RANBP10: variants seen among roughly 807,000 people sequenced by gnomAD.
RANBP10 encodes the protein RAN binding protein 10.
A neutral mutation model predicts 72.8 loss-of-function variants in RANBP10; 24 were observed. That is an observed-to-expected ratio of 0.33 (90% CI 0.24 to 0.46). The LOEUF is 0.46. Among genes scored for constraint, RANBP10 ranks in the 20% least tolerant of loss-of-function variants. RANBP10 has a pLI of 1.00. For missense variants in RANBP10, 679 were observed against 817.5 expected, an observed-to-expected ratio of 0.83 and a Z score of 2.07; for synonymous variants, 310 against 322.3, an observed-to-expected ratio of 0.96 and a Z score of 0.41.
chr16:67,728,553 G>C, intron 10 of RANBP10, 42 bp from the exon 11 acceptor site: 1 of 1,613,334 alleles, frequency 6.2e-7, no homozygotes, highest in Non-Finnish European at 8.5e-7. Context: ...CAGGGGGTGT[G>C]GTTGGAGCAG....
chr16:67,799,550 G>A (rs984202406), intron 2 of RANBP10, among the ~76,000 whole-genome samples: 4 of 152,098 alleles, frequency 2.6e-5, no homozygotes, highest in Admixed American at 2.0e-4. Flanking sequence ...GCCTCCCAAA[G>A]TGCCGGGAAT....
At chr16:67,754,179 G>C (rs1234088367) in intron 3 of RANBP10, among the ~76,000 whole-genome samples, 1 of 151,762 alleles carries the variant, frequency 6.6e-6, no homozygotes, top group East Asian at 1.9e-4. Flanking sequence ...GGAAGGAACA[G>C]GCCCTTCGGA....
At chr16:67,779,238 T>C (rs756037626) in intron 2 of RANBP10, among the ~76,000 whole-genome samples, 9 of 151,594 alleles carry the variant, frequency 5.9e-5, no homozygotes, top group Non-Finnish European at 1.3e-4. Context: ...CCACCAAAAA[T>C]ACAAAAATTA....
intron 2 of RANBP10, among the ~76,000 whole-genome samples, chr16:67,776,150 A>C (rs1192194814): frequency 6.6e-6 from 1 of 150,786 alleles, no homozygotes; most frequent in East Asian, 2.0e-4. Context: ...ATCTCAAAAA[A>C]AAAAAAATTA....
intron 2 of RANBP10, among the ~76,000 whole-genome samples, chr16:67,772,316 G>T (rs2054623185): frequency 6.6e-6 from 1 of 152,096 alleles, no homozygotes; most frequent in Non-Finnish European, 1.5e-5. Context: ...CGTGTGTTGT[G>T]TCACTATGAA....
intron 5 of RANBP10, among the ~76,000 whole-genome samples, chr16:67,735,954 G>C (rs1047417125): frequency 6.6e-6 from 1 of 152,092 alleles, no homozygotes; most frequent in Non-Finnish European, 1.5e-5. Flanking sequence ...CTGGCCAGTA[G>C]GGTGTGAGGC....
At chr16:67,753,329 C>T (rs1195240422) in intron 3 of RANBP10, among the ~76,000 whole-genome samples, 1 of 151,914 alleles carries the variant, frequency 6.6e-6, no homozygotes, top group African/African-American at 2.4e-5. Flanking sequence ...AACATGGTGA[C>T]ACCCCACCTC....
intron 3 of RANBP10, among the ~76,000 whole-genome samples, chr16:67,767,185 T>C (rs1414303452): frequency 6.6e-6 from 1 of 152,160 alleles, no homozygotes; most frequent in Non-Finnish European, 1.5e-5. Flanking sequence ...CAGACTAGGC[T>C]GGCTCCATAT....
chr16:67,744,219 G>T, intron 4 of RANBP10, 69 bp downstream of exon 4: 1 of 1,559,284 alleles, frequency 6.4e-7, no homozygotes, highest in Non-Finnish European at 8.7e-7. Flanking sequence ...TTGAGCACTT[G>T]CCCCTGAGCC....
intron 3 of RANBP10, among the ~76,000 whole-genome samples, chr16:67,764,376 C>T (rs1480374667): frequency 2.0e-5 from 3 of 152,216 alleles, no homozygotes; most frequent in Admixed American, 2.0e-4. Context: ...GGCCGCTTAA[C>T]TCACATCCTG....
intron 3 of RANBP10, among the ~76,000 whole-genome samples, chr16:67,756,852 C>T (rs2054294638): frequency 6.6e-6 from 1 of 152,152 alleles, no homozygotes; most frequent in Non-Finnish European, 1.5e-5. Flanking sequence ...AATTCTGTCA[C>T]TTCTTAGCCC....
chr16:67,744,204 C>T, intron 4 of RANBP10, 84 bp downstream of exon 4: 2 of 1,538,780 alleles, frequency 1.3e-6, no homozygotes, highest in Non-Finnish European at 1.8e-6. Context: ...AGAGGCGACA[C>T]TGCCTTGAGC....
chr16:67,755,066 G>A (rs1276344615), intron 3 of RANBP10, among the ~76,000 whole-genome samples: 1 of 152,082 alleles, frequency 6.6e-6, no homozygotes, highest in Non-Finnish European at 1.5e-5. Flanking sequence ...CACCAAGCAG[G>A]TACTTGTGAT....
chr16:67,728,645 C>T, intron 10 of RANBP10, 134 bp from the exon 11 acceptor site: 1 of 1,507,928 alleles, frequency 6.6e-7, no homozygotes, highest in Non-Finnish European at 8.9e-7. Context: ...AAGGACAGCT[C>T]AGGCTTCCAA....
chr16:67,787,249 T>G (rs933815446), intron 2 of RANBP10, among the ~76,000 whole-genome samples: 2 of 151,832 alleles, frequency 1.3e-5, no homozygotes, highest in African/African-American at 4.8e-5. Flanking sequence ...AATCAATCAA[T>G]CAATCAATCA....
intron 3 of RANBP10, among the ~76,000 whole-genome samples, chr16:67,768,015 A>G (rs369127461): frequency 1.3e-5 from 2 of 151,476 alleles, no homozygotes; most frequent in East Asian, 3.9e-4. Flanking sequence ...GCAGTGAACC[A>G]TATCATGTCA....
At chr16:67,752,043 A>G (rs970340462) in intron 3 of RANBP10, among the ~76,000 whole-genome samples, 10 of 152,120 alleles carry the variant, frequency 6.6e-5, no homozygotes, top group Admixed American at 5.9e-4. Flanking sequence ...AAAAGAGATA[A>G]GTTTTCTGCT....
Position 67,727,345 on chromosome 16 carries a change from G to A in RANBP10, c.1714C>T (p.Leu572Phe). 6.2e-7 allele frequency: 1 copy of A among 1,612,904 alleles called. No individual in the cohort carries two copies. Among genetic ancestry groups the A allele is most frequent in the Non-Finnish European group, 8.5e-7 (1 of 1,179,684 alleles). ...PIQREPVCAA[L>F]NSAILESQNL... ...CACTCACCTAAAATGGCGCTGTTGA[G>A]GGCAGCACACACAGGTTCCCTCTGG... The change falls in exon 13 of 14, where the codon CTC (leucine) becomes TTC (phenylalanine). Residue 572 changes from leucine to phenylalanine, a missense_variant. Physicochemically the swap from Leu to Phe is conservative, Grantham distance 22. Transcript: ENST00000317506.
chr16:67,737,187 CTTTT>C (rs2053866123), intron 5 of RANBP10, among the ~76,000 whole-genome samples: 1 of 128,378 alleles, frequency 7.8e-6, no homozygotes, highest in Non-Finnish European at 1.6e-5. Context: ...AAACTCCATC[CTTTT>C]CTTTTTTTTT....
Sources: gnomAD v4.1 joint callset for allele counts (sites outside exome capture counted in the v4.1 genomes callset) on GRCh38, gnomAD v4.1.1 for gene constraint, MANE v1.5 for transcripts, NCBI Gene and HGNC (gene_info 2026-07-23, HGNC 2026-07-21) for gene names.